Variants in PANK2 observed in about 807,000 individuals in gnomAD.
PANK2 encodes pantothenate kinase 2.
In PANK2, 36 loss-of-function variants were observed where a neutral mutation model predicts 43.1. That is an observed-to-expected ratio of 0.84 (90% CI 0.64 to 1.10). The LOEUF (loss-of-function observed/expected upper bound fraction) is 1.10, where lower values mean the gene tolerates loss of function less well. PANK2 is among the 50% of genes least tolerant of loss of function. PANK2 has a pLI of 0.00. For synonymous variants in PANK2, 281 were observed against 238.2 expected, an observed-to-expected ratio of 1.18 and a Z score of -1.66; for missense variants, 576 against 593.3, an observed-to-expected ratio of 0.97 and a Z score of 0.30.
intron 1 of PANK2, among the ~76,000 whole-genome samples, 176 bp from the exon 2 acceptor site, chr20:3,907,750 T>C (rs1158012045): frequency 6.6e-6 from 1 of 152,224 alleles, no homozygotes; most frequent in African/African-American, 2.4e-5. Context: ...GTAGTATTTT[T>C]TTTTTAAGTT....
intron 3 of PANK2, 31 bp from the exon 4 acceptor site, chr20:3,912,427 A>G (rs1372034770): frequency 1.9e-6 from 3 of 1,607,346 alleles, no homozygotes; most frequent in South Asian, 2.2e-5. Context: ...TAAAAATGTT[A>G]TAATACTGTG....
chr20:3,889,128 C>T, upstream of PANK2: 8 of 1,555,802 alleles, frequency 5.1e-6, no homozygotes, highest in Non-Finnish European at 6.1e-6. Flanking sequence ...CTTCCACCCA[C>T]GCGTCCATTG....
intron 1 of PANK2, 43 bp from the exon 2 acceptor site, chr20:3,907,883 T>C: frequency 6.4e-7 from 1 of 1,562,988 alleles, no homozygotes; most frequent in Non-Finnish European, 8.8e-7. Context: ...AAATTTAATT[T>C]TCAGAAAAAA....
In PANK2 at chr20:3,910,953, A is replaced by G. The variant is rs887190402; in HGVS notation, c.905+123A>G. ...GAAAGTGTTTCTGGATTATGCAAAC[A>G]AATGTTTCTCTTTGAAAATTCTGAT... On this transcript the variant is annotated intron_variant, in intron 3 of 6. Coordinates refer to ENST00000610179, the MANE Select transcript of PANK2 (RefSeq NM_001386393.1). 4 of 1,235,880 alleles carry G rather than the reference A, an allele frequency of 3.2e-6. No homozygotes were observed. In the African/African-American group the frequency reaches 4.6e-5, roughly 14 times the overall value. 76.6% of individuals were successfully genotyped at this position (1,235,880 alleles called of 1,614,324 possible). A position where few individuals can be genotyped will look rare whatever the true frequency, so the allele number is the denominator to read the frequency against.
At position 3,889,670 on chromosome 20, in the gene PANK2, C is replaced by G. The variant is rs137852960; in HGVS notation, c.240C>G (p.Tyr80Ter). ...CGAGGCGGGATCGACTGGGCTCTTACAGCGGCCCCACCTCGGTCTCCCGCC... is the reference window on the plus strand; with the variant it reads ...CGAGGCGGGATCGACTGGGCTCTTAGAGCGGCCCCACCTCGGTCTCCCGCC... Residue 80 changes from tyrosine (Y) to a stop codon, truncating the protein, a stop_gained, in exon 1 of 7, where the codon TAC (tyrosine) becomes TAG (stop). Coordinates refer to ENST00000610179, the MANE Select transcript of PANK2 (RefSeq NM_001386393.1). LOFTEE classifies it high-confidence loss of function. 1.3e-6 allele frequency: 2 copies of G among 1,590,800 alleles called. No individual in the cohort carries two copies.
chr20:3,924,699 A>G lies in PANK2; in HGVS notation c.*1405A>G. The stretch of plus-strand genomic sequence containing the variant: ...TGTTTGCAGGCTCCTGGCCTATACT[A>G]CCTCTGACGCCCTGATCCTGAGTTC... On this transcript the variant is annotated 3_prime_UTR_variant, in exon 7 of 7. Coordinates refer to ENST00000610179, the MANE Select transcript of PANK2 (RefSeq NM_001386393.1). 1 of 152,804 alleles carries G rather than the reference A, an allele frequency of 6.5e-6. No individual in the cohort carries two copies. The highest frequency in any genetic ancestry group is 1.5e-5 in the Non-Finnish European group (1 of 68,552). The allele number at this position is 152,804 out of a possible 1,614,324, so 9.5% of individuals were successfully genotyped here.
In PANK2 at chr20:3,918,667, T is replaced by C; in HGVS notation, c.1207-4T>C. The stretch of plus-strand genomic sequence containing the variant: ...AACTAATTGCCTTTTTTTGGTGTGC[T>C]CAGAACATTAACCAGGTGGTATTTG... On this transcript the variant is annotated splice_region_variant and splice_polypyrimidine_tract_variant and intron_variant, in intron 5 of 6. Transcript: ENST00000610179. The C allele has an allele frequency of 1.2e-6, 2 of 1,614,206 alleles. No homozygotes were observed. Among genetic ancestry groups the C allele is most frequent in the East Asian group, 2.2e-5 (1 of 44,888 alleles).
At chr20:3,905,477 G>A (rs2090370605) in intron 1 of PANK2, among the ~76,000 whole-genome samples, 2 of 151,346 alleles carry the variant, frequency 1.3e-5, no homozygotes, top group Non-Finnish European at 2.9e-5. Context: ...CTGCTGAGTA[G>A]CTGGGACTAC....
At chr20:3,888,975 T>C, upstream of PANK2, 64 of 718,150 alleles carry the variant, frequency 8.9e-5, no homozygotes, top group Admixed American at 3.1e-4. Context: ...ACTGCTGGGC[T>C]GGAGGAGGGC....
rs1367140559 is a variant in PANK2, at chr20:3,924,732, C to G, written c.*1438C>G. ...CGCCCTGATCCTGAGTTCCTCTGCC[C>G]TCCTCTGCTGCCAGCAGCGCTGTTG... On this transcript the variant is annotated 3_prime_UTR_variant, in exon 7 of 7. Transcript: ENST00000610179. The G allele has an allele frequency of 6.5e-6, 1 of 153,274 alleles. No individual in the cohort carries two copies. The highest frequency in any genetic ancestry group is 2.4e-5 in the African/African-American group (1 of 41,474). 9.5% of individuals were successfully genotyped at this position (153,274 alleles called of 1,614,324 possible).
Position 3,916,923 on chromosome 20 carries a change from A to G in PANK2, c.1083-4A>G. On this transcript the variant is annotated splice_region_variant and splice_polypyrimidine_tract_variant and intron_variant, in intron 4 of 6. Transcript: ENST00000610179. ...GCAATGGGATTTTTTTTCCCCCATC[A>G]CAGCTTTGGAAACATGATGAGCAAG... 1 of 1,602,442 alleles carries G rather than the reference A, an allele frequency of 6.2e-7. No homozygotes were observed. Among genetic ancestry groups the G allele is most frequent in the South Asian group, 1.1e-5 (1 of 90,444 alleles).
chr20:3,910,946 T>C (rs1047136554), intron 3 of PANK2, 116 bp downstream of exon 3: 88 of 1,274,790 alleles, frequency 6.9e-5, no homozygotes, highest in Non-Finnish European at 9.7e-5. Context: ...TTCTGGATTA[T>C]GCAAACAAAT....
chr20:3,918,700 T>C lies in PANK2; in HGVS notation c.1236T>C (p.Asn412=). 1 of 1,614,260 alleles carries C rather than the reference T, an allele frequency of 6.2e-7. No homozygotes were observed. The highest frequency in any genetic ancestry group is 1.1e-5 in the South Asian group (1 of 91,092). Reference sequence around the variant, plus strand: ...TTAACCAGGTGGTATTTGTTGGAAATTTCTTGAGAATTAATACGATCGCCA... The same window carrying C: ...TTAACCAGGTGGTATTTGTTGGAAACTTCTTGAGAATTAATACGATCGCCA... Residue 412 remains asparagine (N), a synonymous_variant, in exon 6 of 7, where the codon AAT becomes AAC. Coordinates refer to ENST00000610179, the MANE Select transcript of PANK2 (RefSeq NM_001386393.1).
rs1406478556 is a variant in PANK2 at position 3,914,239 on chromosome 20, T to G, written c.1082+1605T>G. 2.0e-5 allele frequency among the ~76,000 whole-genome samples: 3 copies of G among 152,104 alleles called. 1 individual carries two copies. Among genetic ancestry groups the G allele is most frequent in the Non-Finnish European group, 4.4e-5 (3 of 67,984 alleles). On this transcript the variant is annotated intron_variant, in intron 4 of 6. Transcript: ENST00000610179. The stretch of plus-strand genomic sequence containing the variant: ...ACAATCTTAGCAGTTTATGAGCGTT[T>G]ATATTTCTTGTCAACATTTGTTATT...
At chr20:3,890,690 G>T (rs752882918) in intron 1 of PANK2, among the ~76,000 whole-genome samples, 1 of 152,182 alleles carries the variant, frequency 6.6e-6, no homozygotes, top group Non-Finnish European at 1.5e-5. Context: ...AAAATGGCAA[G>T]ATGTGAGATT....
chr20:3,929,522 G>C lies in PANK2; in HGVS notation c.*6228G>C, dbSNP rs7270329. The C allele has an allele frequency of 0.38, 58,328 of 152,302 alleles. 12,463 individuals are homozygous for C. Among genetic ancestry groups the C allele is most frequent in the Non-Finnish European group, 0.48 (32,974 of 68,106 alleles). 9.4% of individuals were successfully genotyped at this position (152,302 alleles called of 1,614,324 possible). ...AAGATGTCTGCCCCACAAAATAGAA[G>C]CCTTCAGTTGCTGCTGCTCAAACTC... On this transcript the variant is annotated 3_prime_UTR_variant, in exon 7 of 7. Coordinates refer to ENST00000610179, the MANE Select transcript of PANK2 (RefSeq NM_001386393.1).
At chr20:3,906,406 A>G (rs2090387029) in intron 1 of PANK2, among the ~76,000 whole-genome samples, 1 of 152,122 alleles carries the variant, frequency 6.6e-6, no homozygotes, top group Admixed American at 6.6e-5. Flanking sequence ...CCTGGGTGAC[A>G]GTGAGACCTT....
At position 3,918,742 on chromosome 20, in the gene PANK2, T is replaced by G; in HGVS notation, c.1278T>G (p.Tyr426Ter). Residue 426 changes from tyrosine to a stop codon, truncating the protein, a stop_gained, in exon 6 of 7, where the codon TAT (tyrosine) becomes TAG (stop). Transcript: ENST00000610179. LOFTEE classifies it high-confidence loss of function. ...CGATCGCCATGCGGCTTTTGGCATA[T>G]GCTTTGGATTATTGGTCCAAGGGGC... is the stretch of plus-strand genomic sequence containing the variant. The G allele has an allele frequency of 6.2e-7, 1 of 1,614,274 alleles. No individual in the cohort carries two copies. Among genetic ancestry groups the G allele is most frequent in the East Asian group, 2.2e-5 (1 of 44,894 alleles).
chr20:3,911,859 T>C (rs977550606), intron 3 of PANK2, among the ~76,000 whole-genome samples: 10 of 151,182 alleles, frequency 6.6e-5, no homozygotes, highest in Non-Finnish European at 1.2e-4. Flanking sequence ...CATTGTACTC[T>C]AGCCTGGGCA....
Sources: gnomAD v4.1 joint callset for allele counts (sites outside exome capture counted in the v4.1 genomes callset) on GRCh38, gnomAD v4.1.1 for gene constraint, MANE v1.5 for transcripts, NCBI Gene and HGNC (gene_info 2026-07-23, HGNC 2026-07-21) for gene names.